Variants in CLSTN2 observed in about 807,000 individuals in gnomAD.
The protein encoded by CLSTN2 is calsyntenin 2, also known as calsyntenin-2.
In CLSTN2, 48 loss-of-function variants were observed where a neutral mutation model predicts 101.2. The ratio of observed to expected loss-of-function variants is 0.47; its 90% CI spans 0.38 to 0.60. CLSTN2 has a LOEUF of 0.60. CLSTN2 is among the 20% of genes least tolerant of loss of function. The pLI is 0.00. For synonymous variants in CLSTN2, 481 were observed against 463.6 expected (o/e 1.04, Z -0.48); for missense variants, 1,160 against 1,238.2 (o/e 0.94, Z 0.95).
chr3:140,275,491 T>C (rs1367876017), intron 2 of CLSTN2, among the ~76,000 whole-genome samples: 1 of 152,130 alleles, frequency 6.6e-6, no homozygotes, highest in Non-Finnish European at 1.5e-5. Context: ...AGGCTGGTCC[T>C]GAACTCCTGG....
intron 2 of CLSTN2, among the ~76,000 whole-genome samples, chr3:140,329,170 T>A (rs13322973): frequency 0.061 from 9,266 of 152,248 alleles, 388 homozygotes; most frequent in East Asian, 0.17. Flanking sequence ...GTGGCTCACC[T>A]GAGGTCGGGA....
intron 1 of CLSTN2, among the ~76,000 whole-genome samples, chr3:139,982,033 T>A (rs1266978813): frequency 6.6e-6 from 1 of 151,916 alleles, no homozygotes; most frequent in Non-Finnish European, 1.5e-5. Flanking sequence ...CAAGGAAGAG[T>A]AGACCTGAGA....
intron 2 of CLSTN2, among the ~76,000 whole-genome samples, chr3:140,208,976 T>C (rs2010819790): frequency 6.6e-6 from 1 of 152,198 alleles, no homozygotes; most frequent in Non-Finnish European, 1.5e-5. Context: ...AAAGATACAG[T>C]GTATATAGAA....
intron 1 of CLSTN2, among the ~76,000 whole-genome samples, chr3:140,054,645 T>C (rs1204479067): frequency 6.6e-6 from 1 of 152,138 alleles, no homozygotes; most frequent in Non-Finnish European, 1.5e-5. Context: ...ATCTTCACCT[T>C]TTGACTAATA....
chr3:140,429,217 T>C (rs1252538795), intron 5 of CLSTN2, among the ~76,000 whole-genome samples: 1 of 152,092 alleles, frequency 6.6e-6, no homozygotes, highest in African/African-American at 2.4e-5. Flanking sequence ...TGGAGTGAAT[T>C]AGTTAACCCT....
chr3:140,491,648 C>T (rs372197781), intron 8 of CLSTN2, among the ~76,000 whole-genome samples: 8 of 152,246 alleles, frequency 5.3e-5, no homozygotes, highest in Non-Finnish European at 7.4e-5. Context: ...GTGGCAAAAC[C>T]GCTCTCTAAT....
chr3:140,076,638 T>TTG (rs2008497317), intron 1 of CLSTN2, among the ~76,000 whole-genome samples: 1 of 142,232 alleles, frequency 7.0e-6, no homozygotes, highest in African/African-American at 2.7e-5. Context: ...TTTTTTTTTT[T>TTG]TTTTTTTTTT....
At position 140,572,583 on chromosome 3, in the gene CLSTN2, G is replaced by C. The variant is rs1241372583; in HGVS notation, c.*6330G>C. 6.6e-6 allele frequency: 1 copy of C among 152,314 alleles called. No homozygotes were observed. The highest frequency in any genetic ancestry group is 1.5e-5 in the Non-Finnish European group (1 of 68,142). 9.4% of individuals were successfully genotyped at this position (152,314 alleles called of 1,614,324 possible). On this transcript the variant is annotated 3_prime_UTR_variant, in exon 17 of 17. Transcript: ENST00000458420. ...AGGGCCCACCTCCACGAGACCTGCT[G>C]AGGGCTTACATTTGGTGCTGAGGAG...
At chr3:140,174,455 T>A (rs985016483) in intron 1 of CLSTN2, among the ~76,000 whole-genome samples, 2 of 152,222 alleles carry the variant, frequency 1.3e-5, no homozygotes, top group African/African-American at 2.4e-5. Flanking sequence ...CCTCTGCCTG[T>A]TTCCCAATTC....
Position 140,571,517 on chromosome 3 carries a change from A to G in CLSTN2, c.*5264A>G, listed in dbSNP as rs1985548662. On this transcript the variant is annotated 3_prime_UTR_variant, in exon 17 of 17. Coordinates refer to ENST00000458420, the MANE Select transcript of CLSTN2 (RefSeq NM_022131.3). ...TGGGGGATCCCCAAAGCCTTCTGCA[A>G]TGTACTCTGGCAGGCTATGAATGGT... 1 of 152,210 alleles carries G rather than the reference A, an allele frequency of 6.6e-6. No individual in the cohort carries two copies. Among genetic ancestry groups the G allele is most frequent in the African/African-American group, 2.4e-5 (1 of 41,460 alleles). 9.4% of individuals were successfully genotyped at this position (152,210 alleles called of 1,614,324 possible). A position where few individuals can be genotyped will look rare whatever the true frequency, so the allele number is the denominator to read the frequency against.
chr3:140,512,249 T>C (rs1934828448), intron 8 of CLSTN2, among the ~76,000 whole-genome samples: 1 of 152,218 alleles, frequency 6.6e-6, no homozygotes, highest in Non-Finnish European at 1.5e-5. Context: ...CTGGGTTTTC[T>C]TCTAGGGTTT....
intron 2 of CLSTN2, among the ~76,000 whole-genome samples, chr3:140,273,265 G>A (rs1177413340): frequency 6.6e-6 from 1 of 152,112 alleles, no homozygotes; most frequent in African/African-American, 2.4e-5. Flanking sequence ...AATGCATGCA[G>A]GGCTTAAAAC....
intron 2 of CLSTN2, among the ~76,000 whole-genome samples, chr3:140,401,962 G>C (rs1040394521): frequency 6.6e-6 from 1 of 152,178 alleles, no homozygotes; most frequent in Admixed American, 6.5e-5. Context: ...ACTGGAACTG[G>C]GTCCATAACC....
chr3:140,078,800 A>G (rs749908619), intron 1 of CLSTN2, among the ~76,000 whole-genome samples: 1 of 152,184 alleles, frequency 6.6e-6, no homozygotes, highest in Non-Finnish European at 1.5e-5. Flanking sequence ...TGAACTTGAT[A>G]CCTTTTATTT....
At chr3:140,362,534 G>A (rs1031412357) in intron 2 of CLSTN2, among the ~76,000 whole-genome samples, 7 of 151,992 alleles carry the variant, frequency 4.6e-5, no homozygotes, top group Admixed American at 4.6e-4. Flanking sequence ...ATAAACAACA[G>A]ACTTGGAGAA....
intron 9 of CLSTN2, 49 bp from the exon 10 acceptor site, chr3:140,546,466 G>C: frequency 6.3e-7 from 1 of 1,587,320 alleles, no homozygotes; most frequent in Non-Finnish European, 8.6e-7. Flanking sequence ...TTGAGGTGCT[G>C]TTTCCTACCC....
At chr3:140,160,631 T>C (rs750685092) in intron 1 of CLSTN2, among the ~76,000 whole-genome samples, 1 of 152,122 alleles carries the variant, frequency 6.6e-6, no homozygotes, top group East Asian at 1.9e-4. Flanking sequence ...TATTTTTTTT[T>C]TCCTTTTCCT....
intron 1 of CLSTN2, among the ~76,000 whole-genome samples, chr3:139,948,641 A>G (rs950565062): frequency 6.6e-6 from 1 of 152,166 alleles, no homozygotes; most frequent in Non-Finnish European, 1.5e-5. Context: ...GTGGTGGCTC[A>G]TAGCAAGTCC....
intron 1 of CLSTN2, among the ~76,000 whole-genome samples, chr3:140,174,383 T>C: frequency 6.6e-6 from 1 of 152,176 alleles, no homozygotes. Flanking sequence ...AACAAGTCTC[T>C]AGGAAGTTTC....
Sources: gnomAD v4.1 joint callset for allele counts (sites outside exome capture counted in the v4.1 genomes callset) on GRCh38, gnomAD v4.1.1 for gene constraint, MANE v1.5 for transcripts, NCBI Gene and HGNC (gene_info 2026-07-23, HGNC 2026-07-21) for gene names.